The following ABCA12 variants were observed in gnomAD, a reference collection of about 807,000 sequenced individuals.
ABCA12 encodes ATP binding cassette subfamily A member 12.
Under a neutral mutation model 293.5 loss-of-function variants are expected in ABCA12, and 156 were observed. That is an observed-to-expected ratio of 0.53 (90% CI 0.47 to 0.61). The LOEUF (loss-of-function observed/expected upper bound fraction) is 0.61, where lower values mean the gene tolerates loss of function less well. Ranked by LOEUF, ABCA12 falls within the 20% of genes least tolerant of loss-of-function variation. ABCA12 has a pLI of 0.00. For missense variants in ABCA12, 2,797 were observed against 3,090.2 expected (o/e 0.91, Z 2.25); for synonymous variants, 1,063 against 1,108.0 (o/e 0.96, Z 0.81).
At chr2:215,128,969 C>A (rs6707933) in intron 1 of ABCA12, among the ~76,000 whole-genome samples, 1 of 152,094 alleles carries the variant, frequency 6.6e-6, no homozygotes, top group African/African-American at 2.4e-5. Context: ...GTTGTTCAGA[C>A]TTTTTTGTCC....
intron 1 of ABCA12, among the ~76,000 whole-genome samples, chr2:215,128,822 G>A (rs1233380927): frequency 6.6e-6 from 1 of 152,080 alleles, no homozygotes; most frequent in East Asian, 1.9e-4. Context: ...TTCTTGGTTT[G>A]GATCCATTGC....
rs575271863 is a variant in ABCA12 at position 214,982,042 on chromosome 2, G to A, written c.4579+145C>T. 29 of 731,024 alleles carry A rather than the reference G, an allele frequency of 4.0e-5. No individual in the cohort carries two copies. The African/African-American group carries it at 4.3e-4, about 11-fold the overall frequency. 45.3% of individuals were successfully genotyped at this position (731,024 alleles called of 1,614,324 possible). A position where few individuals can be genotyped will look rare whatever the true frequency, so the allele number is the denominator to read the frequency against. ...ACCCAGGCTGGTCTCAAACTCCCAGGCTCAAGCAATCCTCCTGTCTTGGCC... is the reference window on the plus strand; with the variant it reads ...ACCCAGGCTGGTCTCAAACTCCCAGACTCAAGCAATCCTCCTGTCTTGGCC... On this transcript the variant is annotated intron_variant, in intron 30 of 52. Coordinates refer to ENST00000272895, the MANE Select transcript of ABCA12 (RefSeq NM_173076.3).
chr2:214,934,874 C>G (rs1447940047), intron 51 of ABCA12, among the ~76,000 whole-genome samples: 1 of 151,992 alleles, frequency 6.6e-6, no homozygotes, highest in African/African-American at 2.4e-5. Flanking sequence ...TTAACCTTTT[C>G]TCTCTATTTG....
intron 7 of ABCA12, among the ~76,000 whole-genome samples, chr2:215,039,869 A>G (rs1431575899): frequency 6.6e-6 from 1 of 152,118 alleles, no homozygotes; most frequent in Non-Finnish European, 1.5e-5. Context: ...TATTTAATAA[A>G]TATAAAAATT....
chr2:214,984,343 G>A (rs1401275946), intron 28 of ABCA12, among the ~76,000 whole-genome samples: 5 of 152,054 alleles, frequency 3.3e-5, no homozygotes, highest in East Asian at 1.9e-4. Flanking sequence ...TGATCCACAC[G>A]CCTTGGCCTC....
intron 23 of ABCA12, among the ~76,000 whole-genome samples, 190 bp downstream of exon 23, chr2:214,997,505 T>C (rs1700060676): frequency 6.6e-6 from 1 of 152,216 alleles, no homozygotes. Context: ...TAAGTGACTT[T>C]TATGTCACTT....
chr2:214,982,877 C>G (rs1699699461), intron 29 of ABCA12, among the ~76,000 whole-genome samples: 1 of 152,048 alleles, frequency 6.6e-6, no homozygotes, highest in Non-Finnish European at 1.5e-5. Context: ...AAAAATAAAG[C>G]AGTGAATATA....
chr2:215,011,699 CT>C, intron 16 of ABCA12, 50 bp from the exon 17 acceptor site: 3 of 1,553,638 alleles, frequency 1.9e-6, no homozygotes, highest in Non-Finnish European at 2.7e-6. Context: ...GCTTTAGAAG[CT>C]ACTGAAAACA....
Position 214,958,311 on chromosome 2 carries a change from G to T in ABCA12, c.6083C>A (p.Thr2028Lys). ...AATGAAGTTTGTTACCCAGTAGCAT[G>T]TCACGCCAATGCCTGAAATGTGCTG... ...QLQHISGIGV[T>K]CYWVTNFIYD... Residue 2028 changes from threonine to lysine, a missense_variant, in exon 41 of 53, where the codon ACA (threonine) becomes AAA (lysine). Around this residue, in one of 3 missense-constraint regions of ABCA12, gnomAD observed 2,130 missense variants for 2,427.0 expected, o/e 0.88. Coordinates refer to ENST00000272895, the MANE Select transcript of ABCA12 (RefSeq NM_173076.3). 6.2e-7 allele frequency: 1 copy of T among 1,614,032 alleles called. No homozygotes were observed.
In ABCA12 at chr2:215,028,880, A is replaced by T. The variant is rs145703947; in HGVS notation, c.1062-1942T>A. 1.8e-3 allele frequency among the ~76,000 whole-genome samples: 275 copies of T among 152,232 alleles called. 1 individual carries two copies. The highest frequency in any genetic ancestry group is 6.0e-3 in the African/African-American group (249 of 41,534). ...TATACTCACAGCACTTGCTCAAAAA[A>T]CCCTGAGCAGGTATTTTGAAATGAT... On this transcript the variant is annotated intron_variant, in intron 9 of 52. Transcript: ENST00000272895.
chr2:215,042,478 C>T (rs1039320859), intron 7 of ABCA12: 2 of 152,102 alleles, frequency 1.3e-5, no homozygotes. Context: ...AACTCCTGGA[C>T]TCAAGCAATT....
At chr2:214,960,990 A>G (rs1346831996) in intron 39 of ABCA12, among the ~76,000 whole-genome samples, 1 of 152,154 alleles carries the variant, frequency 6.6e-6, no homozygotes, top group East Asian at 1.9e-4. Context: ...AATCAATTTT[A>G]TAGTTAAAGT....
At chr2:215,127,306 T>C (rs1702947803) in intron 1 of ABCA12, among the ~76,000 whole-genome samples, 1 of 152,214 alleles carries the variant, frequency 6.6e-6, no homozygotes. Flanking sequence ...ATCTGTTAAG[T>C]TCATTTGTTC....
rs1265368298 is a variant in ABCA12 at position 215,019,710 on chromosome 2, C to T, written c.1374G>A (p.Met458Ile). 1.9e-6 allele frequency: 3 copies of T among 1,614,152 alleles called. No homozygotes were observed. In the East Asian group the frequency reaches 6.7e-5, roughly 36 times the overall value. ...TTTCTTCACACAGGCTCCCAAAGCTCATATCAGAGAGCTGGCATGACTTCT... is the reference window on the plus strand; with the variant it reads ...TTTCTTCACACAGGCTCCCAAAGCTTATATCAGAGAGCTGGCATGACTTCT... ...LIEKSCQLSD[M>I]SFGSLCEESE... is the part of the protein sequence containing the mutation. The change falls in exon 12 of 53, where the codon ATG becomes ATA. Residue 458 changes from methionine to isoleucine, a missense_variant. By Grantham distance (10) the Met-to-Ile change is conservative. Around this residue, in one of 3 missense-constraint regions of ABCA12, gnomAD observed 656 missense variants for 638.2 expected, o/e 1.03. Transcript: ENST00000272895.
intron 33 of ABCA12, among the ~76,000 whole-genome samples, chr2:214,977,327 A>G (rs1249412534): frequency 6.6e-6 from 1 of 152,224 alleles, no homozygotes; most frequent in Non-Finnish European, 1.5e-5. Context: ...ACCACTTTCT[A>G]ATAAAAGTCC....
intron 2 of ABCA12, among the ~76,000 whole-genome samples, chr2:215,096,132 T>G (rs1207103968): frequency 5.3e-5 from 8 of 152,230 alleles, no homozygotes; most frequent in Non-Finnish European, 1.2e-4. Flanking sequence ...ATAGTAATCT[T>G]TTATTGAGCC....
rs1279537523 is a variant in ABCA12 at position 214,981,956 on chromosome 2, TATTATTA to T, written c.4579+224_4579+230del. 1.6e-3 allele frequency among the ~76,000 whole-genome samples: 211 copies of T among 132,652 alleles called. 2 individuals carry two copies. The highest frequency in any genetic ancestry group is 4.6e-3 in the African/African-American group (154 of 33,482). 87.0% of individuals were successfully genotyped at this position (132,652 alleles called of 152,430 possible). A position where few individuals can be genotyped will look rare whatever the true frequency, so the allele number is the denominator to read the frequency against. Reference sequence around the variant, plus strand: ...AGTCAGCTGTTTTTATTATTATTATTATTATTATTATTATTATTATTATTATTATTTT... The same window carrying T: ...AGTCAGCTGTTTTTATTATTATTATTTTATTATTATTATTATTATTATTTT... On this transcript the variant is annotated intron_variant, in intron 30 of 52. Transcript: ENST00000272895.
Position 214,968,731 on chromosome 2 carries a change from T to A in ABCA12, c.5767A>T (p.Thr1923Ser), listed in dbSNP as rs747619901. Residue 1923 changes from threonine (T) to serine (S), a missense_variant, in exon 38 of 53, where the codon ACA becomes TCA. This residue lies in a region of ABCA12 where 2,130 missense variants were observed against 2,427.0 expected (regional missense o/e 0.88). Coordinates refer to ENST00000272895, the MANE Select transcript of ABCA12 (RefSeq NM_173076.3). ...AGATCAAAATTTACCTTGGCAAGTG[T>A]TCTATTGGCAGGGACTCCTGTTATA... ...FDITGVPANR[T>S]LAKVWYDPEG... 3 of 1,613,278 alleles carry A rather than the reference T, an allele frequency of 1.9e-6. No individual in the cohort carries two copies.
chr2:215,100,152 C>G (rs1270749263), intron 2 of ABCA12, among the ~76,000 whole-genome samples: 1 of 152,112 alleles, frequency 6.6e-6, no homozygotes, highest in Non-Finnish European at 1.5e-5. Context: ...GTAGCTGGCA[C>G]CACAGGCACA....
Sources: allele counts gnomAD v4.1 joint callset (sites outside exome capture counted in the v4.1 genomes callset), GRCh38; gene constraint gnomAD v4.1.1; regional missense constraint gnomAD v4.1.1; transcripts MANE v1.5; gene names NCBI Gene and HGNC (gene_info 2026-07-23, HGNC 2026-07-21).